Variants in ZBTB25 observed in about 807,000 individuals in gnomAD.
The protein encoded by ZBTB25 is zinc finger and BTB domain containing 25.
Under a neutral mutation model 34.2 loss-of-function variants are expected in ZBTB25, and 20 were observed. The ratio of observed to expected loss-of-function variants is 0.58; its 90% CI spans 0.41 to 0.85. The LOEUF is 0.85. Ranked by LOEUF, ZBTB25 falls within the 40% of genes least tolerant of loss-of-function variation. The probability of loss-of-function intolerance (pLI) is 0.00; values close to 1 mark genes in which losing one functional copy is unlikely to be tolerated. For missense variants in ZBTB25, 437 were observed against 521.8 expected (o/e 0.84, Z 1.58); for synonymous variants, 175 against 186.4 (o/e 0.94, Z 0.50).
chr14:64,490,397 G>A lies in ZBTB25; in HGVS notation c.137C>T (p.Ser46Phe). ...KAHRAVLAAF[S>F]NYFKMIFIHQ... The stretch of plus-strand genomic sequence containing the variant: ...AATAAATATCATCTTGAAATAGTTA[G>A]AAAAAGCAGCAAGCACTGCTCTGTG... The change falls in exon 2 of 3, where the codon TCT (serine) becomes TTT (phenylalanine). Residue 46 changes from serine (S) to phenylalanine (F), a missense_variant. By Grantham distance (155) the Ser-to-Phe change is radical. Transcript: ENST00000608382. The A allele has an allele frequency of 6.2e-7, 1 of 1,607,080 alleles. No homozygotes were observed. Among genetic ancestry groups the A allele is most frequent in the South Asian group, 1.1e-5 (1 of 89,994 alleles).
intron 2 of ZBTB25, among the ~76,000 whole-genome samples, chr14:64,454,344 C>T (rs563519431): frequency 2.0e-5 from 3 of 152,272 alleles, no homozygotes; most frequent in African/African-American, 7.2e-5. Flanking sequence ...AACTCCTGGG[C>T]TCAAGCAGTC....
chr14:64,490,340 T>C, intron 2 of ZBTB25, 21 bp downstream of exon 2: 6 of 1,509,694 alleles, frequency 4.0e-6, no homozygotes, highest in Non-Finnish European at 4.5e-6. Context: ...AAAATTCTTA[T>C]TTACAAAAAC....
At chr14:64,456,781 G>A (rs866571002) in intron 2 of ZBTB25, among the ~76,000 whole-genome samples, 1 of 152,182 alleles carries the variant, frequency 6.6e-6, no homozygotes, top group African/African-American at 2.4e-5. Context: ...ATATTGATTG[G>A]TACTCAGAAG....
chr14:64,495,330 T>A (rs1209861986), intron 1 of ZBTB25, among the ~76,000 whole-genome samples: 3 of 152,216 alleles, frequency 2.0e-5, no homozygotes, highest in Admixed American at 2.0e-4. Context: ...GTGTGCTGTT[T>A]GGAGGCTGCT....
rs1421278166 is a variant in ZBTB25 at position 64,481,641 on chromosome 14, G to C, written c.*5282C>G. The C allele has an allele frequency of 6.6e-6, 1 of 152,194 alleles. No homozygotes were observed. Among genetic ancestry groups the C allele is most frequent in the African/African-American group, 2.4e-5 (1 of 41,458 alleles). The allele number at this position is 152,194 out of a possible 1,614,324, so 9.4% of individuals were successfully genotyped here. Reference sequence around the variant, plus strand: ...GACCAATACTTAACTAATTAATCAAGTGCAGTACAAATACATACTGAAGCA... The same window carrying C: ...GACCAATACTTAACTAATTAATCAACTGCAGTACAAATACATACTGAAGCA... On this transcript the variant is annotated 3_prime_UTR_variant, in exon 3 of 3. Coordinates refer to ENST00000608382, the MANE Select transcript of ZBTB25 (RefSeq NM_006977.5).
At chr14:64,503,174 T>C (rs902363938) in intron 1 of ZBTB25, 3 of 985,286 alleles carry the variant, frequency 3.0e-6, no homozygotes, top group Non-Finnish European at 3.6e-6. Flanking sequence ...TAAACATAAT[T>C]TGAAGATAGA....
intron 2 of ZBTB25, chr14:64,469,395 G>T (rs2078644332): frequency 1.2e-6 from 2 of 1,613,980 alleles, no homozygotes; most frequent in South Asian, 1.1e-5. Flanking sequence ...GAAAGCAAAA[G>T]AATGGAGCCA....
chr14:64,460,791 C>G (rs530396921), intron 2 of ZBTB25: 1 of 152,170 alleles, frequency 6.6e-6, no homozygotes, highest in East Asian at 2.0e-4. Context: ...TTTGGGAGGC[C>G]GAGGTGGGCG....
At chr14:64,457,459 C>CT (rs35789478) in intron 2 of ZBTB25, among the ~76,000 whole-genome samples, 28,095 of 143,112 alleles carry the variant, frequency 0.2, 2,795 homozygotes, top group Middle Eastern at 0.29. Flanking sequence ...TTTTCTTTTC[C>CT]TTTTTTTTTT....
intron 1 of ZBTB25, among the ~76,000 whole-genome samples, chr14:64,493,484 C>T (rs1000585302): frequency 2.6e-5 from 4 of 152,162 alleles, no homozygotes; most frequent in African/African-American, 9.7e-5. Flanking sequence ...TCATCACCAT[C>T]ATTAGGCGTG....
At chr14:64,451,252 G>T (rs1199555329) in intron 2 of ZBTB25, among the ~76,000 whole-genome samples, 1 of 152,048 alleles carries the variant, frequency 6.6e-6, no homozygotes, top group South Asian at 2.1e-4. Context: ...GAACTCCTGG[G>T]TTCAAGTGAT....
In ZBTB25 at chr14:64,453,931, C is replaced by T. The variant is rs1382644788; in HGVS notation, c.174-4293G>A. The T allele has an allele frequency of 1.2e-5, 11 of 948,470 alleles. No homozygotes were observed. In the East Asian group the frequency reaches 2.6e-4, roughly 22 times the overall value. The allele number at this position is 948,470 out of a possible 1,614,324, so 58.8% of individuals were successfully genotyped here. ...GACTTGGAGTCACAATCTCTGGGTC[C>T]TCCCAGCCCTGCCAAGTACCCGTTG... On this transcript the variant is annotated intron_variant, in intron 2 of 2. Coordinates refer to the ZBTB25 transcript ENST00000555220.
chr14:64,502,729 C>T, intron 1 of ZBTB25: 10 of 985,258 alleles, frequency 1.0e-5, no homozygotes, highest in Non-Finnish European at 1.2e-5. Context: ...AGTGCAATCA[C>T]CAAGGTGTCT....
In ZBTB25 at chr14:64,468,908, C is replaced by A; in HGVS notation, c.174-19270G>T. 1 of 1,614,162 alleles carries A rather than the reference C, an allele frequency of 6.2e-7. No individual in the cohort carries two copies. The highest frequency in any genetic ancestry group is 8.5e-7 in the Non-Finnish European group (1 of 1,180,042). ...ACAAACACAGACCCCATTGAATGAT[C>A]AGGCAACAAAGGCTAAGTCAACCCA... On this transcript the variant is annotated intron_variant, in intron 2 of 2. Transcript: ENST00000555220.
rs1249789266 is a variant in ZBTB25, at chr14:64,484,249, C to T, written c.*2674G>A. 6.6e-6 allele frequency: 1 copy of T among 152,222 alleles called. No individual in the cohort carries two copies. The highest frequency in any genetic ancestry group is 1.5e-5 in the Non-Finnish European group (1 of 68,038). 9.4% of individuals were successfully genotyped at this position (152,222 alleles called of 1,614,324 possible). A position where few individuals can be genotyped will look rare whatever the true frequency, so the allele number is the denominator to read the frequency against. On this transcript the variant is annotated 3_prime_UTR_variant, in exon 3 of 3. Coordinates refer to ENST00000608382, the MANE Select transcript of ZBTB25 (RefSeq NM_006977.5). ...TATTTCTGCTTTAAATGAGTGTTGT[C>T]TATCACGGCCAATCAGCTGCTAGCA...
chr14:64,505,020 G>A (rs991573552), upstream of ZBTB25: 1 of 386,872 alleles, frequency 2.6e-6, no homozygotes, highest in South Asian at 1.3e-4. Flanking sequence ...CGCGGGCCTG[G>A]CGGAGTGCGG....
intron 2 of ZBTB25, among the ~76,000 whole-genome samples, chr14:64,455,668 A>G (rs1415668974): frequency 2.6e-5 from 4 of 152,232 alleles, no homozygotes; most frequent in African/African-American, 9.6e-5. Context: ...AAACCAACAT[A>G]CATCCTTTTG....
chr14:64,502,860 T>C, intron 1 of ZBTB25: 1 of 983,524 alleles, frequency 1.0e-6, no homozygotes, highest in Non-Finnish European at 1.2e-6. Flanking sequence ...AAGGCACCTC[T>C]CGGCTCTAAA....
intron 2 of ZBTB25, among the ~76,000 whole-genome samples, chr14:64,456,246 CAG>C (rs2078471838): frequency 6.6e-6 from 1 of 152,186 alleles, no homozygotes; most frequent in Admixed American, 6.5e-5. Flanking sequence ...AAGTATGTGT[CAG>C]AGGCTTTTAA....
Sources: gnomAD v4.1 joint callset for allele counts (sites outside exome capture counted in the v4.1 genomes callset) on GRCh38, gnomAD v4.1.1 for gene constraint, MANE v1.5 for transcripts, NCBI Gene and HGNC (gene_info 2026-07-23, HGNC 2026-07-21) for gene names.